CCDC91: variants seen among roughly 807,000 people sequenced by gnomAD.
CCDC91 encodes the protein coiled-coil domain containing 91.
CCDC91 carries 48 observed loss-of-function variants against 63.2 expected under a neutral mutation model. The observed-to-expected ratio is 0.76, with a 90% CI of 0.60 to 0.97. The LOEUF is 0.97. CCDC91 is among the 50% of genes least tolerant of loss of function. The pLI, the probability that CCDC91 is intolerant of heterozygous loss-of-function variation, is 0.00. For synonymous variants in CCDC91, 167 were observed against 165.8 expected (o/e 1.01, Z -0.06); for missense variants, 500 against 494.6 (o/e 1.01, Z -0.10).
At chr12:28,392,245 T>C (rs1387086484) in intron 8 of CCDC91, among the ~76,000 whole-genome samples, 1 of 152,138 alleles carries the variant, frequency 6.6e-6, no homozygotes, top group Non-Finnish European at 1.5e-5. Flanking sequence ...AGATATGAAA[T>C]ATAAAACTTT....
chr12:28,428,965 T>G (rs1449902584), intron 8 of CCDC91, among the ~76,000 whole-genome samples: 1 of 152,172 alleles, frequency 6.6e-6, no homozygotes, highest in Non-Finnish European at 1.5e-5. Flanking sequence ...TTCTGTCATG[T>G]TATACATGCT....
chr12:28,438,859 A>C (rs1238727624), intron 8 of CCDC91, among the ~76,000 whole-genome samples: 1 of 152,212 alleles, frequency 6.6e-6, no homozygotes, highest in Non-Finnish European at 1.5e-5. Context: ...ATAGGCACTC[A>C]TAGGGAATAA....
At chr12:28,514,621 G>A (rs889331759) in intron 12 of CCDC91, among the ~76,000 whole-genome samples, 10 of 151,898 alleles carry the variant, frequency 6.6e-5, no homozygotes, top group African/African-American at 2.4e-4. Context: ...AAAGTTTTGA[G>A]TTTTACATTT....
chr12:28,267,799 TATATAGTA>T (rs1160036159), intron 3 of CCDC91, among the ~76,000 whole-genome samples: 2 of 31,064 alleles, frequency 6.4e-5, no homozygotes, highest in African/African-American at 1.9e-4. Context: ...TATATATAAT[TATATAGTA>T]ATATATAATT....
rs375651858 is a variant in CCDC91, at chr12:28,386,203, G to C, written c.655-5101G>C. ...GAACTTTTCAATAAATATTGGTACT[G>C]TTGATAGTATATATTTATGTAATAT... On this transcript the variant is annotated intron_variant, in intron 7 of 12. Coordinates refer to ENST00000536442, the MANE Select transcript of CCDC91 (RefSeq NM_018318.5). Among the ~76,000 whole-genome samples, 197 of 152,146 alleles carry C rather than the reference G, an allele frequency of 1.3e-3. 2 individuals carry two copies. The highest frequency in any genetic ancestry group is 4.6e-3 in the African/African-American group (192 of 41,496).
intron 8 of CCDC91, among the ~76,000 whole-genome samples, chr12:28,433,070 TTTG>T (rs1948716770): frequency 6.6e-6 from 1 of 151,984 alleles, no homozygotes; most frequent in Non-Finnish European, 1.5e-5. Flanking sequence ...CAGGCCTTTT[TTTG>T]TTGTTGAGTT....
chr12:28,221,510 T>G (rs1259489370), intron 1 of CCDC91, among the ~76,000 whole-genome samples: 6 of 152,206 alleles, frequency 3.9e-5, no homozygotes, highest in Non-Finnish European at 7.3e-5. Flanking sequence ...TTAAATAGTT[T>G]TGTATTTTGT....
Position 28,452,558 on chromosome 12 carries a change from A to C in CCDC91, c.1005A>C (p.Glu335Asp). 6.3e-7 allele frequency: 1 copy of C among 1,593,062 alleles called. No homozygotes were observed. The highest frequency in any genetic ancestry group is 8.6e-7 in the Non-Finnish European group (1 of 1,169,434). ...ERKNLEKAHA[E>D]ERELWKTEHA... The stretch of plus-strand genomic sequence containing the variant: ...AAAATTTAGAAAAAGCGCATGCTGA[A>C]GAAAGGGAATTATGGAAGACAGAAC... The change falls in exon 11 of 13, where the codon GAA (glutamate) becomes GAC (aspartate). Residue 335 changes from glutamate to aspartate, a missense_variant. Glu to Asp is a conservative substitution (Grantham distance 45, BLOSUM62 2). Coordinates refer to ENST00000536442, the MANE Select transcript of CCDC91 (RefSeq NM_018318.5).
chr12:28,413,194 C>CAT (rs1398183920), intron 8 of CCDC91, among the ~76,000 whole-genome samples: 3 of 152,046 alleles, frequency 2.0e-5, no homozygotes, highest in East Asian at 3.8e-4. Flanking sequence ...GGGCATCTCC[C>CAT]ATATATATAT....
In CCDC91 at chr12:28,259,588, T is replaced by G. The variant is rs1946691397; in HGVS notation, c.109+146T>G. The G allele has an allele frequency of 5.2e-6, 3 of 574,858 alleles. No homozygotes were observed. The South Asian group carries it at 7.1e-5, about 14-fold the overall frequency. 35.6% of individuals were successfully genotyped at this position (574,858 alleles called of 1,614,324 possible). The stretch of plus-strand genomic sequence containing the variant: ...GTGATCCAGATTTACTCTTTAGGTT[T>G]TTAAAATAACAAATTGTGAATTACA... On this transcript the variant is annotated intron_variant, in intron 3 of 12. Transcript: ENST00000536442.
At chr12:28,330,222 A>C (rs1245925781) in intron 6 of CCDC91, among the ~76,000 whole-genome samples, 2 of 152,050 alleles carry the variant, frequency 1.3e-5, no homozygotes, top group Non-Finnish European at 2.9e-5. Context: ...ATTAGTTTAC[A>C]CTCCCATCAG....
chr12:28,503,219 A>G (rs1938202817), intron 12 of CCDC91, among the ~76,000 whole-genome samples: 1 of 152,050 alleles, frequency 6.6e-6, no homozygotes, highest in Non-Finnish European at 1.5e-5. Flanking sequence ...TCTACAATGA[A>G]CTCCAACAAA....
intron 3 of CCDC91, among the ~76,000 whole-genome samples, chr12:28,280,805 C>T (rs981767655): frequency 1.4e-4 from 19 of 136,720 alleles, no homozygotes; most frequent in African/African-American, 4.0e-4. Flanking sequence ...ATAGTGAGAC[C>T]GCGTTTCTTT....
chr12:28,549,298 G>A lies in CCDC91; in HGVS notation c.*125G>A, dbSNP rs1412471521. ...CATGTAGAATTGATTTCCAGTTCAA[G>A]GATAAACCAAAACAATATTTAGAAC... On this transcript the variant is annotated 3_prime_UTR_variant, in exon 13 of 13. Transcript: ENST00000536442. 8.5e-6 allele frequency: 5 copies of A among 585,188 alleles called. No homozygotes were observed. Among genetic ancestry groups the A allele is most frequent in the Admixed American group, 3.1e-5 (1 of 32,260 alleles). 36.2% of individuals were successfully genotyped at this position (585,188 alleles called of 1,614,324 possible). A position where few individuals can be genotyped will look rare whatever the true frequency, so the allele number is the denominator to read the frequency against.
intron 6 of CCDC91, among the ~76,000 whole-genome samples, chr12:28,315,916 A>G (rs1939815217): frequency 6.6e-6 from 1 of 151,856 alleles, no homozygotes; most frequent in Non-Finnish European, 1.5e-5. Flanking sequence ...TGTACTAAAT[A>G]TTTATTTAGT....
At chr12:28,449,017 T>C (rs1949672188) in intron 8 of CCDC91, among the ~76,000 whole-genome samples, 1 of 152,092 alleles carries the variant, frequency 6.6e-6, no homozygotes, top group African/African-American at 2.4e-5. Context: ...TAATTTCATA[T>C]AGTACCCATA....
intron 7 of CCDC91, among the ~76,000 whole-genome samples, chr12:28,386,635 G>T (rs1945620510): frequency 6.6e-6 from 1 of 152,134 alleles, no homozygotes; most frequent in Non-Finnish European, 1.5e-5. Context: ...CCAAAGTACT[G>T]GGATTACAGG....
At chr12:28,299,858 T>C (rs568053641) in intron 3 of CCDC91, among the ~76,000 whole-genome samples, 1 of 151,654 alleles carries the variant, frequency 6.6e-6, no homozygotes, top group Admixed American at 6.6e-5. Context: ...TTTTTCCCTC[T>C]AGGTTTTAAA....
intron 8 of CCDC91, among the ~76,000 whole-genome samples, chr12:28,432,913 T>C (rs1948707229): frequency 6.6e-6 from 1 of 152,082 alleles, no homozygotes; most frequent in African/African-American, 2.4e-5. Flanking sequence ...TTTTGGCCAT[T>C]CTGACAGGTA....
Sources: allele counts gnomAD v4.1 joint callset (sites outside exome capture counted in the v4.1 genomes callset), GRCh38; gene constraint gnomAD v4.1.1; transcripts MANE v1.5; gene names NCBI Gene and HGNC (gene_info 2026-07-23, HGNC 2026-07-21).